MRPL39: variants seen among roughly 807,000 people sequenced by gnomAD.
MRPL39 encodes the protein mitochondrial ribosomal protein L39, also known as large ribosomal subunit protein mL39.
In MRPL39, 35 loss-of-function variants were observed where a neutral mutation model predicts 44.5. The observed-to-expected ratio is 0.79, with a 90% confidence interval of 0.60 to 1.04. The LOEUF (loss-of-function observed/expected upper bound fraction) is 1.04. MRPL39 is among the 50% of genes least tolerant of loss of function. The pLI is 0.00. For missense variants in MRPL39, 433 were observed against 413.5 expected, an observed-to-expected ratio of 1.05 and a Z score of -0.41; for synonymous variants, 139 against 136.1, an observed-to-expected ratio of 1.02 and a Z score of -0.15.
At chr21:25,598,852 A>AGG (rs1248218250) in intron 5 of MRPL39, among the ~76,000 whole-genome samples, 14 of 51,132 alleles carry the variant, frequency 2.7e-4, no homozygotes, top group African/African-American at 5.3e-4. Context: ...TGTATTACTA[A>AGG]GGGGAAAAAA....
rs572415920 is a variant in MRPL39 at position 25,599,840 on chromosome 21, C to T, written c.547G>A (p.Val183Ile). The part of the protein sequence containing the change: ...PVISGAFCYD[V>I]VLDSKLDEWM... ...TCATCAAGTTTGCTATCCAAAACTA[C>T]GTCATAACAGAAGGCACCAGAAATT... The change falls in exon 5 of 10, where the codon GTA becomes ATA. Residue 183 changes from valine to isoleucine, a missense_variant. By Grantham distance (29) the Val-to-Ile change is conservative. Transcript: ENST00000352957. 3.7e-5 allele frequency: 60 copies of T among 1,613,650 alleles called. No homozygotes were observed. In the African/African-American group the frequency reaches 5.1e-4, roughly 14 times the overall value.
intron 8 of MRPL39, among the ~76,000 whole-genome samples, chr21:25,590,703 C>G (rs2031147976): frequency 6.6e-6 from 1 of 152,162 alleles, no homozygotes; most frequent in Admixed American, 6.5e-5. Flanking sequence ...TGTCAATTCT[C>G]CCCAAACTGC....
At chr21:25,590,132 A>G (rs1013188447) in intron 8 of MRPL39, among the ~76,000 whole-genome samples, 2 of 152,232 alleles carry the variant, frequency 1.3e-5, no homozygotes, top group Admixed American at 6.5e-5. Context: ...AACTTGGATA[A>G]GGGAAGTAGT....
chr21:25,605,197 G>A lies in MRPL39; in HGVS notation c.280+1252C>T, dbSNP rs144822879. On this transcript the variant is annotated intron_variant, in intron 2 of 9. Transcript: ENST00000352957. ...GTTTTCCAAAAGTTTAAGCAATGCAGCTAGTCATGCCTGTATCTGTTTTGG... is the reference window on the plus strand; with the variant it reads ...GTTTTCCAAAAGTTTAAGCAATGCAACTAGTCATGCCTGTATCTGTTTTGG... 2.1e-4 allele frequency among the ~76,000 whole-genome samples: 32 copies of A among 152,330 alleles called. No homozygotes were observed. The East Asian group carries it at 5.8e-3, about 28-fold the overall frequency.
chr21:25,589,481 G>A (rs962162697), intron 8 of MRPL39, among the ~76,000 whole-genome samples: 1 of 151,176 alleles, frequency 6.6e-6, no homozygotes, highest in African/African-American at 2.4e-5. Context: ...GCAGTGGTGC[G>A]ATCTCAGCTC....
rs780242036 is a variant in MRPL39 at position 25,603,877 on chromosome 21, C to A, written c.339G>T (p.Trp113Cys). 1 of 1,612,714 alleles carries A rather than the reference C, an allele frequency of 6.2e-7. No individual in the cohort carries two copies. Among genetic ancestry groups the A allele is most frequent in the Non-Finnish European group, 8.5e-7 (1 of 1,179,412 alleles). Reference protein sequence around the residue: ...SILALVDGQPWDMYKPLTKSC... With the variant: ...SILALVDGQPCDMYKPLTKSC... ...ACTTTGTTAAAGGCTTATACATGTC[C>A]CAAGGCTGTCCATCCACCAGAGCCA... Residue 113 changes from tryptophan (W) to cysteine (C), a missense_variant, in exon 3 of 10, where the codon TGG becomes TGT. By Grantham distance (215) the Trp-to-Cys change is radical (BLOSUM62 -2). Coordinates refer to ENST00000352957, the MANE Select transcript of MRPL39 (RefSeq NM_017446.4).
At chr21:25,603,302 A>T (rs2031573336) in intron 3 of MRPL39, among the ~76,000 whole-genome samples, 1 of 152,186 alleles carries the variant, frequency 6.6e-6, no homozygotes, top group Non-Finnish European at 1.5e-5. Flanking sequence ...GGGCCTGGAA[A>T]GCTATGTGAA....
chr21:25,605,608 C>T (rs1455980969), intron 2 of MRPL39, among the ~76,000 whole-genome samples: 1 of 152,200 alleles, frequency 6.6e-6, no homozygotes, highest in Non-Finnish European at 1.5e-5. Flanking sequence ...TGCACGGTGA[C>T]TCCTCCCACC....
At chr21:25,599,684 A>G in intron 5 of MRPL39, 115 bp downstream of exon 5, 1 of 822,960 alleles carries the variant, frequency 1.2e-6, no homozygotes, top group Non-Finnish European at 2.0e-6. Context: ...ATAGATACAT[A>G]GATTCTTTTA....
intron 8 of MRPL39, among the ~76,000 whole-genome samples, chr21:25,590,930 T>C (rs1040217051): frequency 6.6e-6 from 1 of 152,152 alleles, no homozygotes; most frequent in Non-Finnish European, 1.5e-5. Flanking sequence ...GCTAAACATA[T>C]GTGATCAATG....
chr21:25,606,415 AG>A, intron 2 of MRPL39, 33 bp downstream of exon 2: 14 of 1,515,994 alleles, frequency 9.2e-6, no homozygotes, highest in Non-Finnish European at 1.3e-5. Flanking sequence ...CTTAAGTAAA[AG>A]GGTCAAAACT....
At chr21:25,597,018 C>T (rs2031380315) in intron 6 of MRPL39, among the ~76,000 whole-genome samples, 1 of 152,090 alleles carries the variant, frequency 6.6e-6, no homozygotes. Flanking sequence ...GCTTAACGTA[C>T]ATTATCACTT....
At chr21:25,598,144 A>C (rs570509028) in intron 5 of MRPL39, among the ~76,000 whole-genome samples, 15 of 152,176 alleles carry the variant, frequency 9.9e-5, no homozygotes, top group Non-Finnish European at 1.5e-4. Context: ...CTTCTCTATA[A>C]AGAATAATTT....
At chr21:25,587,728 G>A (rs374029650) in intron 9 of MRPL39, 6 of 1,612,206 alleles carry the variant, frequency 3.7e-6, no homozygotes, top group East Asian at 4.5e-5. Flanking sequence ...GAGGAGGTAC[G>A]ACTCAGGCGA....
chr21:25,594,736 A>C (rs79149405), intron 6 of MRPL39, among the ~76,000 whole-genome samples: 12,617 of 152,010 alleles, frequency 0.083, 849 homozygotes, highest in East Asian at 0.37. Flanking sequence ...CTCTGCTTCT[A>C]ATCTACCTAC....
At chr21:25,587,984 GA>G (rs2031053503) in intron 9 of MRPL39, among the ~76,000 whole-genome samples, 4 of 152,170 alleles carry the variant, frequency 2.6e-5, no homozygotes, top group Admixed American at 2.6e-4. Flanking sequence ...CTTAGCCTAT[GA>G]AATAGGAAAC....
rs1257988354 is a variant in MRPL39, at chr21:25,591,889, A to C, written c.921+923T>G. Reference sequence around the variant, plus strand: ...ATGTCACAGCAGCTTTATTTGTAATAGCCAAAGACTGAAAATAACTCAGAT... The same window carrying C: ...ATGTCACAGCAGCTTTATTTGTAATCGCCAAAGACTGAAAATAACTCAGAT... On this transcript the variant is annotated intron_variant, in intron 8 of 9. Coordinates refer to ENST00000352957, the MANE Select transcript of MRPL39 (RefSeq NM_017446.4). Among the ~76,000 whole-genome samples, 6 of 152,254 alleles carry C rather than the reference A, an allele frequency of 3.9e-5. No individual in the cohort carries two copies. In the East Asian group the frequency reaches 1.2e-3, roughly 29 times the overall value.
chr21:25,597,554 G>C (rs1399299441), intron 5 of MRPL39, 140 bp from the exon 6 acceptor site: 4 of 508,842 alleles, frequency 7.9e-6, no homozygotes, highest in Admixed American at 4.1e-5. Context: ...AGAACAGAAA[G>C]TTACTAATTT....
rs771171834 is a variant in MRPL39, at chr21:25,607,390, C to G, written c.73+13G>C. The G allele has an allele frequency of 1.9e-6, 3 of 1,613,866 alleles. No individual in the cohort carries two copies. The East Asian group carries it at 6.7e-5, about 36-fold the overall frequency. On this transcript the variant is annotated intron_variant, in intron 1 of 9. Transcript: ENST00000352957. ...AGGCCTCGCTCCCTGTCCCTACGGCCTCTGAAACTCACTCCATTTGATCCC... is the reference window on the plus strand; with the variant it reads ...AGGCCTCGCTCCCTGTCCCTACGGCGTCTGAAACTCACTCCATTTGATCCC...
Sources: allele counts gnomAD v4.1 joint callset (sites outside exome capture counted in the v4.1 genomes callset), GRCh38; gene constraint gnomAD v4.1.1; transcripts MANE v1.5; gene names NCBI Gene and HGNC (gene_info 2026-07-23, HGNC 2026-07-21).